CYP39A1: variants seen among roughly 807,000 people sequenced by gnomAD.
CYP39A1 encodes the protein cytochrome P450 family 39 subfamily A member 1, also known as 24-hydroxycholesterol 7-alpha-hydroxylase.
In CYP39A1, 49 loss-of-function variants were observed where a neutral mutation model predicts 58.1. That is an observed-to-expected ratio of 0.84 (90% CI 0.67 to 1.07). The LOEUF is 1.07. Ranked by LOEUF, CYP39A1 falls within the 50% of genes least tolerant of loss-of-function variation. The probability of loss-of-function intolerance (pLI) is 0.00; values close to 1 mark genes in which losing one functional copy is unlikely to be tolerated. For missense variants in CYP39A1, 531 were observed against 539.4 expected (o/e 0.98, Z 0.16); for synonymous variants, 209 against 187.6 (o/e 1.11, Z -0.93).
intron 2 of CYP39A1, among the ~76,000 whole-genome samples, chr6:46,640,653 G>T (rs902507396): frequency 5.9e-5 from 9 of 151,948 alleles, no homozygotes; most frequent in Non-Finnish European, 1.3e-4. Context: ...GGGTACATGT[G>T]CAGGTTTGTT....
At chr6:46,588,845 A>C (rs1009796273) in intron 8 of CYP39A1, among the ~76,000 whole-genome samples, 19 of 152,162 alleles carry the variant, frequency 1.2e-4, no homozygotes, top group African/African-American at 4.6e-4. Flanking sequence ...GGTAGTCTAC[A>C]TTATCCTTCC....
chr6:46,605,004 TAAA>T (rs768355971), intron 7 of CYP39A1, among the ~76,000 whole-genome samples: 2 of 138,102 alleles, frequency 1.4e-5, no homozygotes, highest in East Asian at 2.1e-4. Context: ...CTGATGAGCT[TAAA>T]AAAAAAAAAA....
At chr6:46,581,828 T>C (rs1021459564) in intron 10 of CYP39A1, among the ~76,000 whole-genome samples, 17 of 152,216 alleles carry the variant, frequency 1.1e-4, no homozygotes, top group African/African-American at 3.9e-4. Flanking sequence ...GCTGTTTCTG[T>C]TCTTCTGTTC....
chr6:46,630,178 A>T (rs1044413714), intron 6 of CYP39A1, among the ~76,000 whole-genome samples: 8 of 152,130 alleles, frequency 5.3e-5, no homozygotes, highest in African/African-American at 1.9e-4. Flanking sequence ...TCTCTTTAGA[A>T]GTGTTGAAAG....
At chr6:46,616,152 C>CT (rs1432009460) in intron 7 of CYP39A1, among the ~76,000 whole-genome samples, 2 of 7,610 alleles carry the variant, frequency 2.6e-4, no homozygotes, top group Admixed American at 1.8e-3. Context: ...TTCTTTCTTT[C>CT]TTTCTTTCTT....
intron 7 of CYP39A1, among the ~76,000 whole-genome samples, chr6:46,616,822 A>G (rs908574895): frequency 1.3e-5 from 2 of 152,152 alleles, no homozygotes; most frequent in African/African-American, 4.8e-5. Flanking sequence ...CTCTGAGGCC[A>G]TTTGAAGGCT....
intron 10 of CYP39A1, among the ~76,000 whole-genome samples, chr6:46,568,662 A>G (rs1323925411): frequency 6.6e-6 from 1 of 152,082 alleles, no homozygotes; most frequent in Non-Finnish European, 1.5e-5. Flanking sequence ...TTCCCATGGA[A>G]TGGTCTTAGT....
intron 10 of CYP39A1, among the ~76,000 whole-genome samples, chr6:46,585,868 A>T (rs1290198234): frequency 6.6e-6 from 1 of 152,024 alleles, no homozygotes; most frequent in African/African-American, 2.4e-5. Flanking sequence ...TTCCTCTTGA[A>T]CTTGCTGCTA....
chr6:46,616,884 A>G (rs1774643683), intron 7 of CYP39A1, among the ~76,000 whole-genome samples: 1 of 152,148 alleles, frequency 6.6e-6, no homozygotes, highest in South Asian at 2.1e-4. Flanking sequence ...TGCACTGAAT[A>G]CCACAATCTG....
chr6:46,564,886 T>G (rs1211191550), intron 10 of CYP39A1, among the ~76,000 whole-genome samples: 1 of 152,166 alleles, frequency 6.6e-6, no homozygotes, highest in East Asian at 1.9e-4. Context: ...ACAGACATAG[T>G]GTCATAGGCA....
At position 46,628,181 on chromosome 6, in the gene CYP39A1, C is replaced by A. The variant is rs144991008; in HGVS notation, c.841-2673G>T. Among the ~76,000 whole-genome samples, 136 of 152,282 alleles carry A rather than the reference C, an allele frequency of 8.9e-4. 3 individuals are homozygous for A. In the South Asian group the frequency reaches 0.012, roughly 14 times the overall value. On this transcript the variant is annotated intron_variant, in intron 6 of 11. Transcript: ENST00000275016. ...ATTTTGATGGAGTCTTCATACCATG[C>A]CAGAGAGTCTTCTACCGATCATGGT...
chr6:46,553,770 T>C lies in CYP39A1; in HGVS notation c.1335A>G (p.Lys445=). 4 of 1,600,726 alleles carry C rather than the reference T, an allele frequency of 2.5e-6. No homozygotes were observed. Among genetic ancestry groups the C allele is most frequent in the East Asian group, 2.2e-5 (1 of 44,672 alleles). ...TCAAAATTCTGAAAACACTTACCTG[T>C]TTGGGTAATGGGTCCAGAAGACTAC... ...YDCSLLDPLP[K]QSYLHLVGVP... is the part of the protein sequence containing the mutation. Residue 445 remains lysine, a synonymous_variant, in exon 11 of 12, where the codon AAA becomes AAG. Transcript: ENST00000275016.
At position 46,637,983 on chromosome 6, in the gene CYP39A1, A is replaced by T. The variant is rs770307922; in HGVS notation, c.489-5T>A. ...GTGACTGGATAAAGGAGATGTCTAC[A>T]AAGACAGAAACACACAAAAAGTCAG... is the stretch of plus-strand genomic sequence containing the variant. On this transcript the variant is annotated splice_region_variant and splice_polypyrimidine_tract_variant and intron_variant, in intron 3 of 11. Transcript: ENST00000275016. 6.3e-7 allele frequency: 1 copy of T among 1,593,168 alleles called. No individual in the cohort carries two copies. Among genetic ancestry groups the T allele is most frequent in the Non-Finnish European group, 8.5e-7 (1 of 1,174,762 alleles).
intron 10 of CYP39A1, among the ~76,000 whole-genome samples, chr6:46,582,726 C>A (rs1398914862): frequency 6.6e-6 from 1 of 151,502 alleles, no homozygotes; most frequent in Non-Finnish European, 1.5e-5. Flanking sequence ...ATTTCCCCAA[C>A]CACATTATAA....
At chr6:46,599,314 G>A (rs1463615016) in intron 7 of CYP39A1, among the ~76,000 whole-genome samples, 1 of 136,726 alleles carries the variant, frequency 7.3e-6, no homozygotes, top group Non-Finnish European at 1.5e-5. Flanking sequence ...GTGACCAGAC[G>A]GGGGAGGGAG....
rs535792798 is a variant in CYP39A1 at position 46,578,008 on chromosome 6, G to A, written c.1250+9069C>T. Among the ~76,000 whole-genome samples, 11 of 152,124 alleles carry A rather than the reference G, an allele frequency of 7.2e-5. No homozygotes were observed. In the South Asian group the frequency reaches 2.3e-3, roughly 32 times the overall value. ...CATATGCACATGGCACATACTCTAA[G>A]ATTGACCACATGCTGGGTCATAAAA... is the stretch of plus-strand genomic sequence containing the variant. On this transcript the variant is annotated intron_variant, in intron 10 of 11. Transcript: ENST00000275016.
At chr6:46,637,520 C>T (rs941497753) in intron 4 of CYP39A1, among the ~76,000 whole-genome samples, 2 of 152,188 alleles carry the variant, frequency 1.3e-5, no homozygotes, top group African/African-American at 4.8e-5. Flanking sequence ...GACGATTTAG[C>T]AGGAATCTTA....
chr6:46,651,512 C>T (rs148560612), intron 1 of CYP39A1, among the ~76,000 whole-genome samples: 246 of 152,222 alleles, frequency 1.6e-3, no homozygotes, highest in African/African-American at 5.7e-3. Flanking sequence ...TATAAATACA[C>T]TAAATTTTTA....
intron 10 of CYP39A1, among the ~76,000 whole-genome samples, chr6:46,566,543 C>T (rs1771292895): frequency 6.6e-6 from 1 of 152,054 alleles, no homozygotes; most frequent in South Asian, 2.1e-4. Context: ...GGAAACCACT[C>T]CTGTGATTCA....
Sources: allele counts gnomAD v4.1 joint callset (sites outside exome capture counted in the v4.1 genomes callset), GRCh38; gene constraint gnomAD v4.1.1; transcripts MANE v1.5; gene names NCBI Gene and HGNC (gene_info 2026-07-23, HGNC 2026-07-21).